The following SNRPD1 variants were observed in gnomAD, a reference collection of about 807,000 sequenced individuals.
SNRPD1 encodes the protein small nuclear ribonucleoprotein D1 polypeptide, also known as small nuclear ribonucleoprotein Sm D1.
A neutral mutation model predicts 14.4 loss-of-function variants in SNRPD1; 1 was observed. That is an observed-to-expected ratio of 0.07 (90% CI 0.02 to 0.33). The LOEUF is 0.33. Ranked by LOEUF, SNRPD1 falls within the 10% of genes least tolerant of loss-of-function variation. The pLI, the probability that SNRPD1 is intolerant of heterozygous loss-of-function variation, is 1.00. For missense variants in SNRPD1, 52 were observed against 146.4 expected (o/e 0.36, Z 3.33); for synonymous variants, 42 against 50.3 (o/e 0.83, Z 0.70).
Position 21,629,193 on chromosome 18 carries a change from G to A in SNRPD1, c.*55G>A, listed in dbSNP as rs1365819936. 14 of 1,333,582 alleles carry A rather than the reference G, an allele frequency of 1.0e-5. No homozygotes were observed. The highest frequency in any genetic ancestry group is 3.5e-5 in the South Asian group (3 of 85,380). 82.6% of individuals were successfully genotyped at this position (1,333,582 alleles called of 1,614,324 possible). A position where few individuals can be genotyped will look rare whatever the true frequency, so the allele number is the denominator to read the frequency against. The stretch of plus-strand genomic sequence containing the variant: ...ATTTGGGATATTTTTTGTACAGGTT[G>A]TGTTTGTTTATGTCAGTTTTTAATA... On this transcript the variant is annotated 3_prime_UTR_variant, in exon 4 of 4. Coordinates refer to ENST00000300413, the MANE Select transcript of SNRPD1 (RefSeq NM_006938.4).
At chr18:21,617,253 C>T (rs1010141141) in intron 1 of SNRPD1, among the ~76,000 whole-genome samples, 2 of 151,648 alleles carry the variant, frequency 1.3e-5, no homozygotes, top group African/African-American at 2.4e-5. Context: ...GTCAGGAGTT[C>T]GAGACCAGCC....
At chr18:21,615,974 A>C (rs2038954112) in intron 1 of SNRPD1, among the ~76,000 whole-genome samples, 1 of 151,918 alleles carries the variant, frequency 6.6e-6, no homozygotes, top group Non-Finnish European at 1.5e-5. Context: ...CTTAGGGTTT[A>C]GTCGGTTTTT....
chr18:21,618,521 C>T (rs936212301), intron 1 of SNRPD1, among the ~76,000 whole-genome samples: 3 of 151,412 alleles, frequency 2.0e-5, no homozygotes, highest in Non-Finnish European at 2.9e-5. Flanking sequence ...AAAGTTCTTA[C>T]TAACTGGGAT....
chr18:21,612,719 A>C (rs2038928232), intron 1 of SNRPD1, among the ~76,000 whole-genome samples: 1 of 152,246 alleles, frequency 6.6e-6, no homozygotes, highest in African/African-American at 2.4e-5. Flanking sequence ...GCCTCCTGGG[A>C]CACATCTCCC....
intron 3 of SNRPD1, among the ~76,000 whole-genome samples, chr18:21,624,385 A>C (rs937180931): frequency 2.0e-5 from 3 of 149,802 alleles, no homozygotes; most frequent in East Asian, 4.0e-4. Flanking sequence ...AAAAAAAAAA[A>C]AAACCAAACA....
rs2039078333 is a variant in SNRPD1, at chr18:21,630,899, A to G, written c.*1761A>G. 6.7e-6 allele frequency: 1 copy of G among 149,786 alleles called. No individual in the cohort carries two copies. Among genetic ancestry groups the G allele is most frequent in the African/African-American group, 2.4e-5 (1 of 41,002 alleles). The allele number at this position is 149,786 out of a possible 1,614,324, so 9.3% of individuals were successfully genotyped here. On this transcript the variant is annotated 3_prime_UTR_variant, in exon 4 of 4. Transcript: ENST00000300413. ...ATATATTAGATATATAAATGTATATATTGGTATAAATAAATACTAGATATA... is the reference window on the plus strand; with the variant it reads ...ATATATTAGATATATAAATGTATATGTTGGTATAAATAAATACTAGATATA...
intron 1 of SNRPD1, among the ~76,000 whole-genome samples, chr18:21,621,571 A>T (rs1025796844): frequency 1.3e-5 from 2 of 150,180 alleles, no homozygotes; most frequent in African/African-American, 4.9e-5. Flanking sequence ...TCGCTAATTT[A>T]TTTTTATTTT....
intron 1 of SNRPD1, among the ~76,000 whole-genome samples, chr18:21,622,264 C>T (rs1223349801): frequency 6.6e-6 from 1 of 151,846 alleles, no homozygotes; most frequent in South Asian, 2.1e-4. Flanking sequence ...CTCAGCCTCC[C>T]GAGTAGCTGG....
chr18:21,616,012 G>A (rs1040642572), intron 1 of SNRPD1, among the ~76,000 whole-genome samples: 4 of 152,174 alleles, frequency 2.6e-5, no homozygotes, highest in Non-Finnish European at 4.4e-5. Context: ...TTGAGGCGGA[G>A]TCTCACTCTG....
intron 1 of SNRPD1, among the ~76,000 whole-genome samples, chr18:21,622,386 C>T (rs1344875179): frequency 6.6e-6 from 1 of 152,138 alleles, no homozygotes; most frequent in Admixed American, 6.6e-5. Context: ...GTGATCCGCC[C>T]GCCTTGGCCT....
intron 2 of SNRPD1, 90 bp downstream of exon 2, chr18:21,622,891 G>A: frequency 1.6e-6 from 1 of 617,658 alleles, no homozygotes; most frequent in Non-Finnish European, 2.9e-6. Context: ...GAACATTATT[G>A]TAGTACAAAT....
chr18:21,612,436 C>A lies in SNRPD1; in HGVS notation c.7C>A (p.Leu3Ile). The A allele has an allele frequency of 6.4e-7, 1 of 1,554,244 alleles. No homozygotes were observed. The highest frequency in any genetic ancestry group is 8.8e-7 in the Non-Finnish European group (1 of 1,142,746). ...GGGTGACGGCGCCGCTAGGATGAAG[C>A]TCGTGAGGTGAGGGAGTGACCAAGC... MK[L>I]VRFLMKLSHE... The change falls in exon 1 of 4, where the codon CTC (leucine) becomes ATC (isoleucine). Residue 3 changes from leucine to isoleucine, a missense_variant. By Grantham distance (5) the Leu-to-Ile change is conservative. Transcript: ENST00000300413.
intron 1 of SNRPD1, among the ~76,000 whole-genome samples, chr18:21,613,877 AATTAT>A (rs1472018492): frequency 6.7e-6 from 1 of 150,354 alleles, no homozygotes; most frequent in Admixed American, 6.6e-5. Flanking sequence ...AAAAAAAAAA[AATTAT>A]ATTCAGGGAG....
intron 1 of SNRPD1, among the ~76,000 whole-genome samples, chr18:21,619,162 T>G (rs1334151134): frequency 6.6e-6 from 1 of 152,130 alleles, no homozygotes; most frequent in Admixed American, 6.6e-5. Flanking sequence ...CAACTTACTT[T>G]GAGATGGTGT....
chr18:21,626,449 T>G (rs1478121057), intron 3 of SNRPD1, among the ~76,000 whole-genome samples: 15 of 138,094 alleles, frequency 1.1e-4, no homozygotes, highest in Admixed American at 3.7e-4. Context: ...TGAAAATGAG[T>G]CTTCGTTTCA....
rs576677941 is a variant in SNRPD1 at position 21,626,446 on chromosome 18, G to T, written c.283+2507G>T. Among the ~76,000 whole-genome samples, 131 of 144,628 alleles carry T rather than the reference G, an allele frequency of 9.1e-4. 1 individual carries two copies. The highest frequency in any genetic ancestry group is 1.5e-3 in the Non-Finnish European group (101 of 66,060). 94.9% of individuals were successfully genotyped at this position (144,628 alleles called of 152,430 possible). ...CTACAACAAATTAAATAATGAAAAT[G>T]AGTCTTCGTTTCAAGTTTGTCATAG... On this transcript the variant is annotated intron_variant, in intron 3 of 3. Coordinates refer to ENST00000300413, the MANE Select transcript of SNRPD1 (RefSeq NM_006938.4).
At chr18:21,613,714 G>T (rs2038936608) in intron 1 of SNRPD1, among the ~76,000 whole-genome samples, 4 of 151,888 alleles carry the variant, frequency 2.6e-5, no homozygotes, top group Admixed American at 2.6e-4. Context: ...AGTTAGTGGG[G>T]CGTGGTGGCG....
At chr18:21,623,359 T>G (rs925542059) in intron 2 of SNRPD1, among the ~76,000 whole-genome samples, 1 of 152,304 alleles carries the variant, frequency 6.6e-6, no homozygotes, top group Admixed American at 6.5e-5. Context: ...GTAACAATTC[T>G]TATATACAGA....
At chr18:21,624,671 A>G (rs1433137689) in intron 3 of SNRPD1, among the ~76,000 whole-genome samples, 1 of 146,412 alleles carries the variant, frequency 6.8e-6, no homozygotes, top group Admixed American at 7.0e-5. Flanking sequence ...AGCCTGGGCT[A>G]CAGAGTGAGA....
Sources: allele counts gnomAD v4.1 joint callset (sites outside exome capture counted in the v4.1 genomes callset), GRCh38; gene constraint gnomAD v4.1.1; transcripts MANE v1.5; gene names NCBI Gene and HGNC (gene_info 2026-07-23, HGNC 2026-07-21).